Variants in KCNA6 observed in about 807,000 individuals in gnomAD.
The protein encoded by KCNA6 is potassium voltage-gated channel subfamily A member 6.
KCNA6 carries 17 observed loss-of-function variants against 29.5 expected under a neutral mutation model. The ratio of observed to expected loss-of-function variants is 0.58; its 90% CI spans 0.39 to 0.86. The LOEUF (loss-of-function observed/expected upper bound fraction) is 0.86. KCNA6 is among the 40% of genes least tolerant of loss of function. The pLI is 0.00. For missense variants in KCNA6, 450 were observed against 703.4 expected, an observed-to-expected ratio of 0.64 and a Z score of 4.07; for synonymous variants, 296 against 304.7, an observed-to-expected ratio of 0.97 and a Z score of 0.30.
downstream of KCNA6, among the ~76,000 whole-genome samples, chr12:4,816,432 G>A (rs147125888): frequency 2.0e-5 from 3 of 152,020 alleles, no homozygotes; most frequent in African/African-American, 7.2e-5. Context: ...ACTGAACTAT[G>A]ATATATATGT....
the KCNA6 span, chr12:4,839,454 A>G: frequency 6.6e-6 from 1 of 152,234 alleles, no homozygotes; most frequent in African/African-American, 2.4e-5. Flanking sequence ...TACATATAAC[A>G]TACAAAATAT....
At chr12:4,837,054 C>T in the KCNA6 span, among the ~76,000 whole-genome samples, 2 of 152,158 alleles carry the variant, frequency 1.3e-5, no homozygotes, top group Non-Finnish European at 2.9e-5. Flanking sequence ...GATTATAGGG[C>T]TGGAACTTTC....
chr12:4,843,588 G>C, the KCNA6 span, among the ~76,000 whole-genome samples: 23 of 152,260 alleles, frequency 1.5e-4, no homozygotes, highest in East Asian at 3.9e-3. Flanking sequence ...CCTGAGAGTG[G>C]ATAATTTATA....
At chr12:4,824,313 A>G in the KCNA6 span, among the ~76,000 whole-genome samples, 4 of 152,174 alleles carry the variant, frequency 2.6e-5, no homozygotes, top group Non-Finnish European at 5.9e-5. Context: ...AGCTCTCATA[A>G]ATCAGTCTTT....
At position 4,810,173 on chromosome 12, in the gene KCNA6, G is replaced by A; in HGVS notation, c.132G>A (p.Val44=). The A allele has an allele frequency of 1.9e-6, 3 of 1,611,692 alleles. No homozygotes were observed. Among genetic ancestry groups the A allele is most frequent in the Non-Finnish European group, 2.5e-6 (3 of 1,179,256 alleles). ...GCTGCTGTAGTAGCGAGCGGCTGGT[G>A]ATCAATATCTCCGGGCTGCGCTTTG... Residue 44 remains valine (V), a synonymous_variant, in exon 1 of 1, where the codon GTG becomes GTA. Transcript: ENST00000280684. This position sits in a 1 kb window ranked among gnomAD's most constrained non-coding sequence, Gnocchi z 7.5.
the KCNA6 span, among the ~76,000 whole-genome samples, chr12:4,843,480 A>G: frequency 6.6e-6 from 1 of 152,220 alleles, no homozygotes; most frequent in Admixed American, 6.5e-5. Context: ...GCGCCTGGCC[A>G]AAAATTCTTT....
chr12:4,837,744 C>T, the KCNA6 span, among the ~76,000 whole-genome samples: 1 of 151,876 alleles, frequency 6.6e-6, no homozygotes, highest in African/African-American at 2.4e-5. Flanking sequence ...GTTTTAATGT[C>T]CTCTGTGGAC....
At chr12:4,850,110 G>A in the KCNA6 span, among the ~76,000 whole-genome samples, 1 of 152,202 alleles carries the variant, frequency 6.6e-6, no homozygotes, top group Non-Finnish European at 1.5e-5. This position sits in a 1 kb window ranked among gnomAD's most constrained non-coding sequence, Gnocchi z 5.4. Context: ...TCACGCAGGG[G>A]ACAGCCAAAG....
At chr12:4,824,482 G>A in the KCNA6 span, among the ~76,000 whole-genome samples, 5 of 152,200 alleles carry the variant, frequency 3.3e-5, no homozygotes, top group African/African-American at 1.2e-4. Flanking sequence ...GAGTGAAACT[G>A]TTTCCTTGCT....
chr12:4,830,153 C>G, the KCNA6 span, among the ~76,000 whole-genome samples: 1 of 152,212 alleles, frequency 6.6e-6, no homozygotes, highest in African/African-American at 2.4e-5. Flanking sequence ...GGTGCAGTTG[C>G]GTTCCCCTCC....
At chr12:4,841,012 A>G in the KCNA6 span, among the ~76,000 whole-genome samples, 1,423 of 152,338 alleles carry the variant, frequency 9.3e-3, 23 homozygotes, top group African/African-American at 0.032. Flanking sequence ...GGTTGATCAT[A>G]TAGTCCTGAT....
the KCNA6 span, among the ~76,000 whole-genome samples, chr12:4,843,203 C>T: frequency 1.4e-4 from 21 of 144,946 alleles, no homozygotes; most frequent in African/African-American, 1.0e-4. Context: ...TTTTTTGAGA[C>T]GGAGTCTCAC....
At chr12:4,818,232 T>A (rs548328873), downstream of KCNA6, among the ~76,000 whole-genome samples, 4 of 152,340 alleles carry the variant, frequency 2.6e-5, no homozygotes, top group East Asian at 5.8e-4. Context: ...CCACTGGGAA[T>A]AGTCCTAGCA....
the KCNA6 span, among the ~76,000 whole-genome samples, chr12:4,825,821 C>T: frequency 6.6e-6 from 1 of 152,250 alleles, no homozygotes; most frequent in African/African-American, 2.4e-5. Context: ...AGCTCTGATG[C>T]ACTCTGCCAG....
chr12:4,846,765 CT>C, the KCNA6 span, among the ~76,000 whole-genome samples: 175 of 100,672 alleles, frequency 1.7e-3, no homozygotes, highest in East Asian at 0.011. Flanking sequence ...TGGAACACCT[CT>C]TTTTTTTTTT....
At chr12:4,837,948 G>C in the KCNA6 span, among the ~76,000 whole-genome samples, 3 of 152,008 alleles carry the variant, frequency 2.0e-5, no homozygotes, top group East Asian at 5.8e-4. Flanking sequence ...GAGAGCCTTT[G>C]TATTTGGGTG....
chr12:4,839,685 A>G, the KCNA6 span, among the ~76,000 whole-genome samples: 1 of 152,250 alleles, frequency 6.6e-6, no homozygotes, highest in Non-Finnish European at 1.5e-5. Context: ...TGGAAACATA[A>G]AAAGTGCCCA....
downstream of KCNA6, among the ~76,000 whole-genome samples, chr12:4,818,054 G>T (rs1946698557): frequency 6.6e-6 from 1 of 152,156 alleles, no homozygotes; most frequent in South Asian, 2.1e-4. Flanking sequence ...CCTGCTCTTG[G>T]CAGCAGAGAC....
chr12:4,838,413 C>T, the KCNA6 span, among the ~76,000 whole-genome samples: 2 of 152,184 alleles, frequency 1.3e-5, no homozygotes. Flanking sequence ...ACACTGGGGG[C>T]TACCAAGGAG....
Sources: allele counts gnomAD v4.1 joint callset (sites outside exome capture counted in the v4.1 genomes callset), GRCh38; gene constraint gnomAD v4.1.1; non-coding constraint Gnocchi (gnomAD v3.1); transcripts MANE v1.5; gene names NCBI Gene and HGNC (gene_info 2026-07-23, HGNC 2026-07-21).